Variants in AKNAD1 observed in about 807,000 individuals in gnomAD.
AKNAD1 encodes protein AKNAD1.
In AKNAD1, 67 loss-of-function variants were observed where a neutral mutation model predicts 90.8. The ratio of observed to expected loss-of-function variants is 0.74; its 90% CI spans 0.61 to 0.90. AKNAD1 has a LOEUF of 0.90. Ranked by LOEUF, AKNAD1 falls within the 40% of genes least tolerant of loss-of-function variation. The pLI is 0.00. For missense variants in AKNAD1, 957 were observed against 975.4 expected (o/e 0.98, Z 0.25); for synonymous variants, 327 against 341.4 (o/e 0.96, Z 0.46).
Position 108,852,591 on chromosome 1 carries a change from T to A in AKNAD1, c.74A>T (p.Gln25Leu). Residue 25 changes from glutamine to leucine, a missense_variant, in exon 2 of 16, where the codon CAG becomes CTG. Transcript: ENST00000370001. ...ACTGTAATCATTGCCTATCTTAATC[T>A]GAGAGAGGTCCCCATCATAAGGCAA... ...EDLPYDGDLS[Q>L]IKIGNDYSFT... The A allele has an allele frequency of 6.2e-7, 1 of 1,611,754 alleles. No individual in the cohort carries two copies.
chr1:108,853,171 G>A (rs1375845071), intron 1 of AKNAD1, among the ~76,000 whole-genome samples: 4 of 136,494 alleles, frequency 2.9e-5, no homozygotes, highest in South Asian at 2.3e-4. Context: ...TCGCTCTGTC[G>A]CCCAGGCTGG....
In AKNAD1 at chr1:108,848,979, TG is replaced by T. The variant is rs1475779578; in HGVS notation, c.1114del (p.Gln372LysfsTer13). The part of the protein sequence containing the change: ...GTSSSSSYIF[Q>X]KISQGKQMCQ... Reference sequence around the variant, plus strand: ...CATCTGTTTCCCTTGGGATATCTTTTGAAATATGTAAGAAGAACTTGAGGAA... The same window carrying T: ...CATCTGTTTCCCTTGGGATATCTTTTAAATATGTAAGAAGAACTTGAGGAA... On this transcript the variant is annotated frameshift_variant, in exon 4 of 16. Coordinates refer to ENST00000370001, the MANE Select transcript of AKNAD1 (RefSeq NM_152763.5). LOFTEE classifies it high-confidence loss of function. 1.2e-6 allele frequency: 2 copies of T among 1,611,496 alleles called. No individual in the cohort carries two copies. Among genetic ancestry groups the T allele is most frequent in the Non-Finnish European group, 1.7e-6 (2 of 1,179,428 alleles).
At chr1:108,856,310 T>C (rs1319374633) in intron 1 of AKNAD1, among the ~76,000 whole-genome samples, 2 of 152,176 alleles carry the variant, frequency 1.3e-5, no homozygotes, top group East Asian at 3.8e-4. Flanking sequence ...ACCCTTCTTG[T>C]ATAGAAAGGA....
In AKNAD1 at chr1:108,827,192, C is replaced by T. The variant is rs760231054; in HGVS notation, c.1936+13G>A. On this transcript the variant is annotated intron_variant, in intron 11 of 15. Transcript: ENST00000370001. ...CTGAAAAATGAGCACCCAGCCCAAG[C>T]CCATCAACTTACTGGGAGTTGAATC... The T allele has an allele frequency of 2.9e-5, 46 of 1,598,864 alleles. 1 individual carries two copies. The highest frequency in any genetic ancestry group is 3.8e-5 in the Non-Finnish European group (44 of 1,168,848).
At chr1:108,848,298 C>T (rs556926609) in intron 5 of AKNAD1, among the ~76,000 whole-genome samples, 21 of 152,260 alleles carry the variant, frequency 1.4e-4, no homozygotes, top group African/African-American at 4.3e-4. Flanking sequence ...TTAAATGCAG[C>T]AACTAGCAAG....
At chr1:108,828,075 A>G (rs984593447) in intron 10 of AKNAD1, among the ~76,000 whole-genome samples, 1 of 142,258 alleles carries the variant, frequency 7.0e-6, no homozygotes, top group Non-Finnish European at 1.5e-5. Context: ...AACATGGCAA[A>G]ACCTCATCTC....
intron 14 of AKNAD1, 63 bp from the exon 15 acceptor site, chr1:108,817,240 C>T (rs1012190413): frequency 3.1e-6 from 5 of 1,596,478 alleles, no homozygotes; most frequent in African/African-American, 1.3e-5. Context: ...CTCCTGTTCA[C>T]GTCAGCTCTG....
At chr1:108,839,471 TA>T (rs3044857) in intron 6 of AKNAD1, among the ~76,000 whole-genome samples, 1 of 126,138 alleles carries the variant, frequency 7.9e-6, no homozygotes, top group Non-Finnish European at 1.6e-5. Context: ...TCCGTCTCAA[TA>T]AAAAAAAAAA....
chr1:108,817,043 C>T lies in AKNAD1; in HGVS notation c.2379+5G>A, dbSNP rs1663634487. ...TGCTTCTCGAATGATTTTCTAAGTC[C>T]TCACCTCAGATTTTATTTCTTCAGT... On this transcript the variant is annotated splice_donor_5th_base_variant and intron_variant, in intron 15 of 15. Coordinates refer to ENST00000370001, the MANE Select transcript of AKNAD1 (RefSeq NM_152763.5). 6.2e-7 allele frequency: 1 copy of T among 1,613,616 alleles called. No individual in the cohort carries two copies. The highest frequency in any genetic ancestry group is 1.7e-5 in the Admixed American group (1 of 59,952).
intron 9 of AKNAD1, among the ~76,000 whole-genome samples, chr1:108,832,988 G>T (rs1027149042): frequency 6.6e-6 from 1 of 152,106 alleles, no homozygotes; most frequent in African/African-American, 2.4e-5. Context: ...CTAAGGAAAT[G>T]ATCAACTACA....
At chr1:108,841,982 G>T (rs1664569208) in intron 6 of AKNAD1, among the ~76,000 whole-genome samples, 3 of 152,140 alleles carry the variant, frequency 2.0e-5, no homozygotes, top group Admixed American at 2.0e-4. Flanking sequence ...TGGTCTTAAT[G>T]TGCACAGAAA....
chr1:108,821,386 G>A (rs1663808245), intron 13 of AKNAD1, among the ~76,000 whole-genome samples: 1 of 152,132 alleles, frequency 6.6e-6, no homozygotes, highest in African/African-American at 2.4e-5. Context: ...AGGAGGTGGA[G>A]GTTGCAGTGA....
intron 6 of AKNAD1, among the ~76,000 whole-genome samples, chr1:108,839,897 C>T (rs1195911914): frequency 1.3e-5 from 2 of 151,936 alleles, no homozygotes; most frequent in East Asian, 1.9e-4. Context: ...TGGTGGCATG[C>T]ACCTGTAGTC....
At chr1:108,835,407 T>G (rs1664351707) in intron 7 of AKNAD1, among the ~76,000 whole-genome samples, 1 of 152,164 alleles carries the variant, frequency 6.6e-6, no homozygotes. Context: ...TTAACTCATT[T>G]AAACATCATA....
chr1:108,823,718 GGTAA>G, intron 11 of AKNAD1, 30 bp from the exon 12 acceptor site: 2 of 1,613,806 alleles, frequency 1.2e-6, no homozygotes, highest in Non-Finnish European at 1.7e-6. Flanking sequence ...ATGAATGAAG[GGTAA>G]GTGTCTTGAT....
intron 9 of AKNAD1, among the ~76,000 whole-genome samples, chr1:108,833,580 C>CAA (rs1003836362): frequency 3.9e-3 from 546 of 141,450 alleles, no homozygotes; most frequent in African/African-American, 0.014. Context: ...GAGACTGTCT[C>CAA]AAAAAAAAAA....
In AKNAD1 at chr1:108,816,132, C is replaced by T. The variant is rs760142920; in HGVS notation, c.*39G>A. On this transcript the variant is annotated 3_prime_UTR_variant, in exon 16 of 16. Transcript: ENST00000370001. ...TTGGGGGAAGATCAAGTTTTCTTTG[C>T]ATTTTTTTCTTTTGAATCCTTGGTA... The T allele has an allele frequency of 7.4e-7, 1 of 1,354,926 alleles. No homozygotes were observed. Among genetic ancestry groups the T allele is most frequent in the Non-Finnish European group, 1.0e-6 (1 of 995,126 alleles). The allele number at this position is 1,354,926 out of a possible 1,614,324, so 83.9% of individuals were successfully genotyped here.
chr1:108,816,932 G>T, intron 15 of AKNAD1, 116 bp downstream of exon 15: 2 of 1,266,636 alleles, frequency 1.6e-6, no homozygotes, highest in Admixed American at 2.1e-5. Context: ...ATTGTCTTTA[G>T]CAGAGCATTT....
At chr1:108,831,184 T>C (rs1664184144) in intron 9 of AKNAD1, among the ~76,000 whole-genome samples, 1 of 152,206 alleles carries the variant, frequency 6.6e-6, no homozygotes, top group Non-Finnish European at 1.5e-5. Context: ...TATATGTCCC[T>C]CTTTAACACA....
Sources: gnomAD v4.1 joint callset for allele counts (sites outside exome capture counted in the v4.1 genomes callset) on GRCh38, gnomAD v4.1.1 for gene constraint, MANE v1.5 for transcripts, NCBI Gene and HGNC (gene_info 2026-07-23, HGNC 2026-07-21) for gene names.